FXR1: variants seen among roughly 807,000 people sequenced by gnomAD.
FXR1 encodes RNA-binding protein FXR1.
Under a neutral mutation model 84.0 loss-of-function variants are expected in FXR1, and 15 were observed. That is an observed-to-expected ratio of 0.18 (90% CI 0.12 to 0.27). The LOEUF (loss-of-function observed/expected upper bound fraction) is 0.27, where lower values mean the gene tolerates loss of function less well. FXR1 is among the 10% of genes least tolerant of loss of function. The pLI is 1.00. For synonymous variants in FXR1, 245 were observed against 250.7 expected (o/e 0.98, Z 0.21); for missense variants, 480 against 774.4 (o/e 0.62, Z 4.51).
intron 6 of FXR1, 22 bp downstream of exon 6, chr3:180,948,836 A>T: frequency 9.6e-7 from 1 of 1,043,902 alleles, no homozygotes; most frequent in Non-Finnish European, 1.5e-6. Flanking sequence ...CCATATTATA[A>T]GGTAGCTTAT....
chr3:180,965,709 A>G (rs1305050598), intron 13 of FXR1, among the ~76,000 whole-genome samples: 1 of 152,198 alleles, frequency 6.6e-6, no homozygotes, highest in South Asian at 2.1e-4. Context: ...ACATTTGCAG[A>G]GTCCTTTTTG....
At chr3:180,948,982 T>C (rs1157909310) in intron 6 of FXR1, among the ~76,000 whole-genome samples, 168 bp downstream of exon 6, 1 of 152,224 alleles carries the variant, frequency 6.6e-6, no homozygotes, top group Non-Finnish European at 1.5e-5. Flanking sequence ...ATTACATTCT[T>C]AACATCATAA....
At chr3:180,960,706 C>T (rs1177468728) in intron 10 of FXR1, among the ~76,000 whole-genome samples, 2 of 152,116 alleles carry the variant, frequency 1.3e-5, no homozygotes, top group African/African-American at 2.4e-5. Context: ...CTCAAGTGAT[C>T]CACCTGCCTC....
chr3:180,924,359 A>G (rs929162016), intron 1 of FXR1, among the ~76,000 whole-genome samples: 2 of 152,190 alleles, frequency 1.3e-5, no homozygotes, highest in African/African-American at 4.8e-5. Flanking sequence ...AGAGAAGTTA[A>G]TTCATTACAC....
intron 1 of FXR1, among the ~76,000 whole-genome samples, chr3:180,917,164 T>C (rs1717996670): frequency 6.6e-6 from 1 of 152,184 alleles, no homozygotes; most frequent in African/African-American, 2.4e-5. Context: ...AGCTGTCTGC[T>C]TCCACCGTGT....
chr3:180,960,038 T>G (rs996166692), intron 10 of FXR1, among the ~76,000 whole-genome samples: 4 of 152,124 alleles, frequency 2.6e-5, no homozygotes, highest in Admixed American at 2.0e-4. Context: ...GGAAACTGAT[T>G]GGGGGAGTTA....
chr3:180,932,839 T>C (rs902337257), intron 1 of FXR1, among the ~76,000 whole-genome samples: 2 of 152,262 alleles, frequency 1.3e-5, no homozygotes, highest in South Asian at 4.1e-4. Context: ...GTTCTTACTT[T>C]GTGCCAGGTA....
At chr3:180,926,506 A>ATATATATATATTTTTT (rs72192827) in intron 1 of FXR1, among the ~76,000 whole-genome samples, 2 of 124,392 alleles carry the variant, frequency 1.6e-5, no homozygotes, top group African/African-American at 2.9e-5. Flanking sequence ...ATATATATAT[A>ATATATATATATTTTTT]TTTTTTTTTC....
At position 180,947,991 on chromosome 3, in the gene FXR1, C is replaced by T. The variant is rs905672737; in HGVS notation, c.270+55C>T. 3.7e-5 allele frequency: 37 copies of T among 1,000,416 alleles called. No homozygotes were observed. In the South Asian group the frequency reaches 4.7e-4, roughly 13 times the overall value. 62.0% of individuals were successfully genotyped at this position (1,000,416 alleles called of 1,614,324 possible). On this transcript the variant is annotated intron_variant, in intron 4 of 16. Coordinates refer to ENST00000357559, the MANE Select transcript of FXR1 (RefSeq NM_005087.4). ...TAGTTTCTAAGGAAGTACCTCAGTG[C>T]TTGGTTTTTGTAAATCTTATTTCAA...
chr3:180,972,418 T>G (rs1713693571), intron 15 of FXR1, among the ~76,000 whole-genome samples: 1 of 152,206 alleles, frequency 6.6e-6, no homozygotes, highest in African/African-American at 2.4e-5. Flanking sequence ...ATCGTGCCAC[T>G]GCACGCTAGC....
At chr3:180,955,803 A>G (rs1367442075) in intron 9 of FXR1, among the ~76,000 whole-genome samples, 1 of 152,246 alleles carries the variant, frequency 6.6e-6, no homozygotes, top group Admixed American at 6.5e-5. Flanking sequence ...TTTCAAAAAT[A>G]AGAAAATTGG....
chr3:180,915,697 G>GC (rs1560153586), intron 1 of FXR1: 1 of 698,190 alleles, frequency 1.4e-6, no homozygotes, highest in African/African-American at 1.8e-5. Flanking sequence ...ACATTTGGCC[G>GC]TAAGTGTGAA....
intron 10 of FXR1, among the ~76,000 whole-genome samples, chr3:180,961,014 C>T (rs1712033972): frequency 6.6e-6 from 1 of 151,828 alleles, no homozygotes; most frequent in African/African-American, 2.4e-5. Context: ...TAAATTGCTG[C>T]GTGTTTCAGA....
rs1366839999 is a variant in FXR1, at chr3:180,970,302, T to C, written c.1547T>C (p.Val516Ala). Residue 516 changes from valine (V) to alanine (A), a missense_variant, in exon 15 of 17, where the codon GTT becomes GCT. Physicochemically the swap from Val to Ala is moderately conservative, Grantham distance 64. Around this residue, in one of 6 missense-constraint regions of FXR1, gnomAD observed 157 missense variants for 227.8 expected, o/e 0.69. Coordinates refer to ENST00000357559, the MANE Select transcript of FXR1 (RefSeq NM_005087.4). ...AGACGAAGGACTGATGAAGATGCTG[T>C]TCTGATGGATGGAATGACTGAATCT... ...SRRRRTDEDAVLMDGMTESDT... is the reference protein window; with the variant it reads ...SRRRRTDEDAALMDGMTESDT... 6.2e-7 allele frequency: 1 copy of C among 1,606,930 alleles called. No homozygotes were observed. Among genetic ancestry groups the C allele is most frequent in the Admixed American group, 1.7e-5 (1 of 59,674 alleles).
rs1369521096 is a variant in FXR1, at chr3:180,980,251, A to G, written c.*3959A>G. On this transcript the variant is annotated 3_prime_UTR_variant, in exon 17 of 17. Coordinates refer to ENST00000357559, the MANE Select transcript of FXR1 (RefSeq NM_005087.4). ...TATGTATCCATCCCAGACATTTTCA[A>G]CTATGCTGAATGCAATCTATAAGAT... 1 of 152,068 alleles carries G rather than the reference A, an allele frequency of 6.6e-6. No individual in the cohort carries two copies. Among genetic ancestry groups the G allele is most frequent in the African/African-American group, 2.4e-5 (1 of 41,420 alleles). 9.4% of individuals were successfully genotyped at this position (152,068 alleles called of 1,614,324 possible). A position where few individuals can be genotyped will look rare whatever the true frequency, so the allele number is the denominator to read the frequency against.
intron 7 of FXR1, among the ~76,000 whole-genome samples, chr3:180,950,692 A>C (rs757937933): frequency 6.6e-6 from 1 of 152,048 alleles, no homozygotes; most frequent in East Asian, 1.9e-4. Flanking sequence ...TGTTGCTATA[A>C]ATTTGACTAT....
chr3:180,963,740 G>A (rs1712438309), intron 13 of FXR1, among the ~76,000 whole-genome samples: 1 of 152,146 alleles, frequency 6.6e-6, no homozygotes, highest in Non-Finnish European at 1.5e-5. Context: ...GATAGGAAGG[G>A]GGACAGTGGA....
chr3:180,924,846 A>G (rs1035813617), intron 1 of FXR1, among the ~76,000 whole-genome samples: 1 of 152,170 alleles, frequency 6.6e-6, no homozygotes, highest in African/African-American at 2.4e-5. Context: ...GCACTGTACC[A>G]TGAAGAAAGA....
intron 2 of FXR1, 109 bp downstream of exon 2, chr3:180,933,495 G>A (rs761411166): frequency 4.3e-5 from 30 of 700,660 alleles, no homozygotes; most frequent in Non-Finnish European, 7.3e-5. Flanking sequence ...CTTTTAGGGA[G>A]TGGGGAGGTT....
Sources: gnomAD v4.1 joint callset for allele counts (sites outside exome capture counted in the v4.1 genomes callset) on GRCh38, gnomAD v4.1.1 for gene constraint, gnomAD v4.1.1 regional missense constraint, MANE v1.5 for transcripts, NCBI Gene and HGNC (gene_info 2026-07-23, HGNC 2026-07-21) for gene names.